Variants in STK33 observed in about 807,000 individuals in gnomAD.
STK33 encodes the protein serine/threonine kinase 33.
A neutral mutation model predicts 58.0 loss-of-function variants in STK33; 52 were observed. That is an observed-to-expected ratio of 0.90 (90% CI 0.72 to 1.13). The LOEUF is 1.13. Ranked by LOEUF, STK33 falls within the 50% of genes most tolerant of loss-of-function variation. The pLI, the probability that STK33 is intolerant of heterozygous loss-of-function variation, is 0.00. For synonymous variants in STK33, 215 were observed against 200.1 expected (o/e 1.07, Z -0.63); for missense variants, 630 against 604.2 (o/e 1.04, Z -0.45).
intron 1 of STK33, among the ~76,000 whole-genome samples, chr11:8,483,637 G>A (rs1235186048): frequency 6.6e-6 from 1 of 152,144 alleles, no homozygotes; most frequent in South Asian, 2.1e-4. Context: ...AGGGGGCACA[G>A]GGCATCAATG....
chr11:8,445,839 T>C (rs1368122612), intron 11 of STK33, among the ~76,000 whole-genome samples: 226 of 152,226 alleles, frequency 1.5e-3, no homozygotes, highest in African/African-American at 5.3e-3. Context: ...GTCTGAAATT[T>C]TCTTTTTTTG....
chr11:8,344,843 C>G, the STK33 span, among the ~76,000 whole-genome samples: 1 of 152,192 alleles, frequency 6.6e-6, no homozygotes, highest in East Asian at 1.9e-4. Flanking sequence ...TGTGCTTCCT[C>G]GCTCAGCATC....
Position 8,461,834 on chromosome 11 carries a change from G to A in STK33, c.529C>T (p.His177Tyr), listed in dbSNP as rs749897973. 1 of 1,600,644 alleles carries A rather than the reference G, an allele frequency of 6.2e-7. No homozygotes were observed. The highest frequency in any genetic ancestry group is 2.3e-5 in the East Asian group (1 of 43,646). Residue 177 changes from histidine to tyrosine, a missense_variant, in exon 8 of 16, where the codon CAT becomes TAT. Transcript: ENST00000687296. Reference sequence around the variant, plus strand: ...GGCGTTTCAAATACTTGTTCCAGATGTATGATGTGTTCATGTTTTACACTT... The same window carrying A: ...GGCGTTTCAAATACTTGTTCCAGATATATGATGTGTTCATGTTTTACACTT... Reference protein sequence around the residue: ...LKSVKHEHIIHLEQVFETPKK... With the variant: ...LKSVKHEHIIYLEQVFETPKK...
At chr11:8,589,491 G>A (rs1450898146) in intron 1 of STK33, among the ~76,000 whole-genome samples, 1 of 152,156 alleles carries the variant, frequency 6.6e-6, no homozygotes, top group African/African-American at 2.4e-5. Flanking sequence ...GTTTGCCAGG[G>A]GCTCAGGGAA....
At chr11:8,464,639 A>T in intron 7 of STK33, 70 bp downstream of exon 7, 1 of 1,108,924 alleles carries the variant, frequency 9.0e-7, no homozygotes, top group Non-Finnish European at 1.3e-6. Context: ...TTAGTGTAAA[A>T]AGCTGTACTG....
intron 1 of STK33, among the ~76,000 whole-genome samples, chr11:8,583,081 C>A (rs559186369): frequency 1.6e-4 from 25 of 152,302 alleles, no homozygotes; most frequent in African/African-American, 5.8e-4. Context: ...TCATAATGAG[C>A]CAAAATTATC....
chr11:8,335,536 T>A, the STK33 span, among the ~76,000 whole-genome samples: 2 of 152,194 alleles, frequency 1.3e-5, no homozygotes, highest in Non-Finnish European at 2.9e-5. Context: ...CCTGTGAAGA[T>A]GGATCTATTC....
At chr11:8,509,297 T>C (rs1481021642) in intron 1 of STK33, among the ~76,000 whole-genome samples, 4 of 152,186 alleles carry the variant, frequency 2.6e-5, no homozygotes, top group African/African-American at 4.8e-5. Context: ...CATGTGACTA[T>C]AGTCGACTCC....
intron 1 of STK33, among the ~76,000 whole-genome samples, chr11:8,505,873 T>G (rs577221042): frequency 1.3e-5 from 2 of 152,334 alleles, no homozygotes; most frequent in South Asian, 4.1e-4. Flanking sequence ...CCTTACTAAC[T>G]AGCTGTGAGC....
At chr11:8,565,745 A>G (rs1351249995) in intron 1 of STK33, 1 of 152,202 alleles carries the variant, frequency 6.6e-6, no homozygotes, top group Non-Finnish European at 1.5e-5. Context: ...CTGCCTCTGA[A>G]GACTTCTTAG....
the STK33 span, among the ~76,000 whole-genome samples, chr11:8,358,569 T>C: frequency 4.2e-3 from 646 of 152,180 alleles, 4 homozygotes; most frequent in African/African-American, 0.015. Context: ...GGTGAAGAGA[T>C]GGTTGTAGAG....
intron 1 of STK33, among the ~76,000 whole-genome samples, chr11:8,586,231 A>AC (rs1370119133): frequency 6.6e-6 from 1 of 151,732 alleles, no homozygotes; most frequent in African/African-American, 2.4e-5. Flanking sequence ...AAAAAAAAAA[A>AC]AAAAAACACC....
chr11:8,555,777 T>C (rs1220292888), intron 1 of STK33, among the ~76,000 whole-genome samples: 5 of 152,346 alleles, frequency 3.3e-5, no homozygotes, highest in Admixed American at 1.3e-4. Context: ...AATCACTCCA[T>C]GCTGTGTGCA....
rs548835154 is a variant in STK33, at chr11:8,440,631, A to T, written c.947+47T>A. The T allele has an allele frequency of 4.3e-5, 64 of 1,480,120 alleles. No individual in the cohort carries two copies. The South Asian group carries it at 7.2e-4, about 17-fold the overall frequency. 91.7% of individuals were successfully genotyped at this position (1,480,120 alleles called of 1,614,324 possible). A position where few individuals can be genotyped will look rare whatever the true frequency, so the allele number is the denominator to read the frequency against. On this transcript the variant is annotated intron_variant, in intron 12 of 15. Coordinates refer to ENST00000687296, the MANE Select transcript of STK33 (RefSeq NM_001352389.2). ...TTAAAGTCTATATCACTCTACTGTT[A>T]GAAACTATCCACTCATCTTAAAGTG...
rs184443782 is a variant in STK33 at position 8,445,512 on chromosome 11, T to G, written c.872-4759A>C. Among the ~76,000 whole-genome samples the G allele has an allele frequency of 2.6e-5, 4 of 152,126 alleles. No individual in the cohort carries two copies. The East Asian group carries it at 5.8e-4, about 22-fold the overall frequency. ...GCCCATTCAGTATGATATTCGCTGT[T>G]GGTGTGTCATAAATAGCTCTTATTA... On this transcript the variant is annotated intron_variant, in intron 11 of 15. Coordinates refer to ENST00000687296, the MANE Select transcript of STK33 (RefSeq NM_001352389.2).
chr11:8,588,001 C>T (rs957551066), intron 1 of STK33, among the ~76,000 whole-genome samples: 2 of 152,136 alleles, frequency 1.3e-5, no homozygotes, highest in African/African-American at 4.8e-5. Context: ...ACCAGGACAC[C>T]AGCAGATCTG....
chr11:8,422,081 A>G (rs1481927830), intron 14 of STK33, among the ~76,000 whole-genome samples: 6 of 152,118 alleles, frequency 3.9e-5, no homozygotes, highest in Admixed American at 3.9e-4. Context: ...ACTATTCTCT[A>G]TTTTAAAGGA....
chr11:8,440,178 T>C (rs1944563025), intron 12 of STK33, among the ~76,000 whole-genome samples: 1 of 152,002 alleles, frequency 6.6e-6, no homozygotes, highest in Non-Finnish European at 1.5e-5. Flanking sequence ...AGAACAAGAA[T>C]GACTGAAAGC....
the STK33 span, among the ~76,000 whole-genome samples, chr11:8,366,275 T>C: frequency 1.3e-5 from 2 of 152,184 alleles, no homozygotes; most frequent in South Asian, 4.1e-4. Context: ...CAGGCCAGCC[T>C]CTGCACCTTC....
Sources: gnomAD v4.1 joint callset for allele counts (sites outside exome capture counted in the v4.1 genomes callset) on GRCh38, gnomAD v4.1.1 for gene constraint, MANE v1.5 for transcripts, NCBI Gene and HGNC (gene_info 2026-07-23, HGNC 2026-07-21) for gene names.